Variants in APOBEC3F observed in about 807,000 individuals in gnomAD.
APOBEC3F encodes DNA dC->dU-editing enzyme APOBEC-3F.
APOBEC3F carries 34 observed loss-of-function variants against 45.8 expected under a neutral mutation model. The observed-to-expected ratio is 0.74, with a 90% CI of 0.57 to 0.99. The LOEUF (loss-of-function observed/expected upper bound fraction) is 0.99. Among genes scored for constraint, APOBEC3F ranks in the 50% least tolerant of loss-of-function variants. APOBEC3F has a pLI of 0.00. For synonymous variants in APOBEC3F, 192 were observed against 174.4 expected, an observed-to-expected ratio of 1.10 and a Z score of -0.80; for missense variants, 459 against 474.1, an observed-to-expected ratio of 0.97 and a Z score of 0.30.
intron 2 of APOBEC3F, chr22:39,044,062 G>T (rs1480268770): frequency 6.6e-7 from 1 of 1,515,474 alleles, no homozygotes; most frequent in Admixed American, 2.3e-5. Context: ...ATAAATGAGC[G>T]GTGTATGGTG....
Position 39,053,695 on chromosome 22 carries a change from A to G in APOBEC3F, c.*1000A>G, listed in dbSNP as rs1927602973. ...TGTAAGTTGAAAACCAGAAGTTTTG[A>G]GAAACATCCTTTGTTAACTTTCATC... On this transcript the variant is annotated 3_prime_UTR_variant, in exon 7 of 7. Transcript: ENST00000308521. The G allele has an allele frequency of 6.6e-6, 1 of 152,218 alleles. No individual in the cohort carries two copies. The highest frequency in any genetic ancestry group is 1.5e-5 in the Non-Finnish European group (1 of 68,044). The allele number at this position is 152,218 out of a possible 1,614,324, so 9.4% of individuals were successfully genotyped here. A position where few individuals can be genotyped will look rare whatever the true frequency, so the allele number is the denominator to read the frequency against.
At chr22:39,049,663 C>T (rs571232626) in intron 5 of APOBEC3F, 82 bp downstream of exon 5, 72 of 1,422,632 alleles carry the variant, frequency 5.1e-5, no homozygotes, top group African/African-American at 2.6e-4. Context: ...ACGTGCCTGG[C>T]GTGGGCTTTC....
At chr22:39,047,143 T>TG (rs1235935673) in intron 4 of APOBEC3F, among the ~76,000 whole-genome samples, 1 of 151,958 alleles carries the variant, frequency 6.6e-6, no homozygotes, top group Non-Finnish European at 1.5e-5. Flanking sequence ...CATGGCATCC[T>TG]GGGGGGACAT....
intron 4 of APOBEC3F, 97 bp downstream of exon 4, chr22:39,045,639 G>GC (rs1927180650): frequency 6.3e-7 from 1 of 1,582,352 alleles, no homozygotes; most frequent in Non-Finnish European, 8.6e-7. Flanking sequence ...CCTCCGTCCT[G>GC]CCCCCTGCCT....
At chr22:39,046,680 C>A (rs1254329804) in intron 4 of APOBEC3F, among the ~76,000 whole-genome samples, 1 of 150,980 alleles carries the variant, frequency 6.6e-6, no homozygotes, top group Non-Finnish European at 1.5e-5. Context: ...TGCTATGGTG[C>A]GATCTCGGCT....
chr22:39,048,040 G>C (rs555641471), intron 4 of APOBEC3F, among the ~76,000 whole-genome samples: 1 of 152,332 alleles, frequency 6.6e-6, no homozygotes, highest in South Asian at 2.1e-4. Flanking sequence ...CATGACTCCA[G>C]ACACAGGCTC....
rs5750735 is a variant in APOBEC3F, at chr22:39,053,650, T to A, written c.*955T>A. Reference sequence around the variant, plus strand: ...AATAAATAAACTCAACCGAAATGGGTATGAAAGTTGAAATGGGTATGTAAG... The same window carrying A: ...AATAAATAAACTCAACCGAAATGGGAATGAAAGTTGAAATGGGTATGTAAG... On this transcript the variant is annotated 3_prime_UTR_variant, in exon 7 of 7. Coordinates refer to ENST00000308521, the MANE Select transcript of APOBEC3F (RefSeq NM_145298.6). The A allele has an allele frequency of 6.6e-6, 1 of 151,886 alleles. No individual in the cohort carries two copies. Among genetic ancestry groups the A allele is most frequent in the Non-Finnish European group, 1.5e-5 (1 of 67,962 alleles). 9.4% of individuals were successfully genotyped at this position (151,886 alleles called of 1,614,324 possible).
chr22:39,050,823 G>A (rs1927448328), intron 5 of APOBEC3F, among the ~76,000 whole-genome samples: 2 of 152,094 alleles, frequency 1.3e-5, no homozygotes, highest in South Asian at 4.1e-4. Context: ...AGGGGACAAG[G>A]CAGACCCCAT....
At chr22:39,051,927 C>G (rs1018998495) in intron 5 of APOBEC3F, 147 bp from the exon 6 acceptor site, 47 of 1,264,812 alleles carry the variant, frequency 3.7e-5, no homozygotes, top group Non-Finnish European at 3.7e-5. Flanking sequence ...TGCACCCCAG[C>G]CTGGGCAACA....
intron 2 of APOBEC3F, among the ~76,000 whole-genome samples, chr22:39,043,425 C>T (rs370099220): frequency 1.3e-4 from 20 of 151,110 alleles, no homozygotes; most frequent in African/African-American, 4.4e-4. Context: ...CTAAGACTCC[C>T]GAGTAGCTGG....
chr22:39,045,230 G>A lies in APOBEC3F; in HGVS notation c.451+10G>A. ...ATTATGGACGATGAAGGTGAGAGGT[G>A]GAGGGGTCAGGGGAGCGTGAGCGGG... is the stretch of plus-strand genomic sequence containing the variant. On this transcript the variant is annotated intron_variant, in intron 3 of 6. Transcript: ENST00000308521. The A allele has an allele frequency of 6.2e-7, 1 of 1,613,524 alleles. No homozygotes were observed. The highest frequency in any genetic ancestry group is 1.1e-5 in the South Asian group (1 of 91,058).
At chr22:39,048,557 C>T (rs1369422464) in intron 4 of APOBEC3F, among the ~76,000 whole-genome samples, 1 of 151,530 alleles carries the variant, frequency 6.6e-6, no homozygotes, top group Non-Finnish European at 1.5e-5. Context: ...CACCTGTAAT[C>T]CCAGCACTTT....
intron 4 of APOBEC3F, among the ~76,000 whole-genome samples, chr22:39,046,736 C>G (rs1432517591): frequency 6.6e-6 from 1 of 152,004 alleles, no homozygotes; most frequent in Non-Finnish European, 1.5e-5. Flanking sequence ...CTTGTCTCAG[C>G]CTCCCAAGTA....
At position 39,051,200 on chromosome 22, in the gene APOBEC3F, G is replaced by T. The variant is rs373663968; in HGVS notation, c.724-874G>T. Among the ~76,000 whole-genome samples, 20 of 151,384 alleles carry T rather than the reference G, an allele frequency of 1.3e-4. 1 individual carries two copies. Among genetic ancestry groups the T allele is most frequent in the Admixed American group, 1.3e-3 (19 of 15,190 alleles). ...TGCAGTGAGCCGAGATCTTGCCACTGCCCCCCAGCCTGGGTGACAGAGCAA... is the reference window on the plus strand; with the variant it reads ...TGCAGTGAGCCGAGATCTTGCCACTTCCCCCCAGCCTGGGTGACAGAGCAA... On this transcript the variant is annotated intron_variant, in intron 5 of 6. Transcript: ENST00000308521.
At chr22:39,051,397 C>T (rs1927476152) in intron 5 of APOBEC3F, among the ~76,000 whole-genome samples, 2 of 151,698 alleles carry the variant, frequency 1.3e-5, no homozygotes, top group South Asian at 2.1e-4. Flanking sequence ...ATTAGCCAGG[C>T]GTGGTGGCGG....
intron 4 of APOBEC3F, among the ~76,000 whole-genome samples, 200 bp downstream of exon 4, chr22:39,045,742 G>A (rs1277894193): frequency 1.3e-5 from 2 of 152,026 alleles, no homozygotes; most frequent in Non-Finnish European, 1.5e-5. Context: ...TGAGTGAGAG[G>A]CCCCTTCTGC....
chr22:39,047,580 G>GC (rs1229905509), intron 4 of APOBEC3F, among the ~76,000 whole-genome samples: 3 of 152,170 alleles, frequency 2.0e-5, no homozygotes, highest in Admixed American at 1.3e-4. Flanking sequence ...CTGGGCCTCA[G>GC]CCTGGCCTCC....
At chr22:39,049,961 C>T (rs1022592117) in intron 5 of APOBEC3F, among the ~76,000 whole-genome samples, 3 of 148,440 alleles carry the variant, frequency 2.0e-5, no homozygotes, top group Non-Finnish European at 4.5e-5. Flanking sequence ...CCTCGGCCTC[C>T]CAAAGTGCTA....
In APOBEC3F at chr22:39,045,091, G is replaced by T. The variant is rs2020390; in HGVS notation, c.322G>T (p.Ala108Ser). The change falls in exon 3 of 7, where the codon GCT (alanine) becomes TCT (serine). Residue 108 changes from alanine (A) to serine (S), a missense_variant. Physicochemically the swap from Ala to Ser is moderately conservative, Grantham distance 99 (BLOSUM62 1). Coordinates refer to ENST00000308521, the MANE Select transcript of APOBEC3F (RefSeq NM_145298.6). Reference sequence around the variant, plus strand: ...TGTGGCGAAGCTGGCCGAATTCCTGGCTGAGCACCCCAATGTCACCCTGAC... The same window carrying T: ...TGTGGCGAAGCTGGCCGAATTCCTGTCTGAGCACCCCAATGTCACCCTGAC... ...DCVAKLAEFLAEHPNVTLTIS... is the reference protein window; with the variant it reads ...DCVAKLAEFLSEHPNVTLTIS... 839,500 of 1,599,018 alleles carry T rather than the reference G, an allele frequency of 0.53. 226,023 individuals carry two copies. Among genetic ancestry groups the T allele is most frequent in the East Asian group, 0.71 (31,599 of 44,446 alleles).
Sources: allele counts gnomAD v4.1 joint callset (sites outside exome capture counted in the v4.1 genomes callset), GRCh38; gene constraint gnomAD v4.1.1; transcripts MANE v1.5; gene names NCBI Gene and HGNC (gene_info 2026-07-23, HGNC 2026-07-21).